FAM193A: variants seen among roughly 807,000 people sequenced by gnomAD.
FAM193A encodes protein FAM193A.
In FAM193A, 22 loss-of-function variants were observed where a neutral mutation model predicts 126.5. The ratio of observed to expected loss-of-function variants is 0.17; its 90% confidence interval spans 0.12 to 0.25. The LOEUF is 0.25. Ranked by LOEUF, FAM193A falls within the 10% of genes least tolerant of loss-of-function variation. The pLI is 1.00. For missense variants in FAM193A, 1,675 were observed against 1,672.8 expected (o/e 1.00, Z -0.02); for synonymous variants, 761 against 646.8 (o/e 1.18, Z -2.68).
rs1184549701 is a variant in FAM193A at position 2,646,756 on chromosome 4, C to G, written c.1235C>G (p.Ser412Cys). Reference sequence around the variant, plus strand: ...ACCTTGCTGCAGAGGTACCAGCGTTCCGAGGAGGAGCTGCGCAGAGTCGCC... The same window carrying G: ...ACCTTGCTGCAGAGGTACCAGCGTTGCGAGGAGGAGCTGCGCAGAGTCGCC... ...YSTLLQRYQRSEEELRRVAEE... is the reference protein window; with the variant it reads ...YSTLLQRYQRCEEELRRVAEE... The change falls in exon 7 of 21, where the codon TCC becomes TGC. Residue 412 changes from serine (S) to cysteine (C), a missense_variant. By Grantham distance (112) the Ser-to-Cys change is moderately radical. Transcript: ENST00000637812. 2 of 1,613,994 alleles carry G rather than the reference C, an allele frequency of 1.2e-6. No homozygotes were observed. The highest frequency in any genetic ancestry group is 2.7e-5 in the African/African-American group (2 of 74,934).
At chr4:2,622,344 G>T (rs1327010909) in intron 2 of FAM193A, among the ~76,000 whole-genome samples, 1 of 151,248 alleles carries the variant, frequency 6.6e-6, no homozygotes, top group Non-Finnish European at 1.5e-5. Flanking sequence ...GATGGCAGGA[G>T]TCCCCAAGGG....
At chr4:2,689,376 G>T in intron 13 of FAM193A, 130 bp from the exon 14 acceptor site, 1 of 619,212 alleles carries the variant, frequency 1.6e-6, no homozygotes, top group South Asian at 2.2e-5. Flanking sequence ...TGCTCCCCCT[G>T]GGCTGAGCTC....
At chr4:2,675,213 C>T (rs1300694489) in intron 13 of FAM193A, among the ~76,000 whole-genome samples, 2 of 152,146 alleles carry the variant, frequency 1.3e-5, no homozygotes, top group African/African-American at 4.8e-5. Context: ...AATATGTGTT[C>T]TGCCGTTGTT....
chr4:2,705,700 C>G (rs1718226003), intron 19 of FAM193A, among the ~76,000 whole-genome samples: 1 of 151,992 alleles, frequency 6.6e-6, no homozygotes, highest in Non-Finnish European at 1.5e-5. Flanking sequence ...AGTGATTCTC[C>G]CGCCTCAGCC....
intron 5 of FAM193A, among the ~76,000 whole-genome samples, chr4:2,631,451 G>T (rs1372124178): frequency 6.6e-6 from 1 of 152,210 alleles, no homozygotes; most frequent in Non-Finnish European, 1.5e-5. Flanking sequence ...CATGGGGGCA[G>T]TGTGAGGGGA....
At chr4:2,597,489 C>G (rs1360720892) in intron 2 of FAM193A, among the ~76,000 whole-genome samples, 2 of 152,164 alleles carry the variant, frequency 1.3e-5, no homozygotes, top group Non-Finnish European at 2.9e-5. Flanking sequence ...CAGGCTTCTG[C>G]TGTTTGCCCT....
chr4:2,642,892 C>T (rs1744780437), intron 6 of FAM193A, among the ~76,000 whole-genome samples: 1 of 151,980 alleles, frequency 6.6e-6, no homozygotes, highest in South Asian at 2.1e-4. Flanking sequence ...GCCACCACAC[C>T]CGGCTAATTT....
At chr4:2,575,718 C>T (rs1330318249) in intron 1 of FAM193A, among the ~76,000 whole-genome samples, 3 of 151,978 alleles carry the variant, frequency 2.0e-5, no homozygotes, top group Non-Finnish European at 2.9e-5. Context: ...CTGCCTGCCT[C>T]GGCCTCCCAA....
In FAM193A at chr4:2,559,195, A is replaced by G. The variant is rs188212026; in HGVS notation, c.255+22025A>G. On this transcript the variant is annotated intron_variant, in intron 1 of 20. Coordinates refer to ENST00000637812, the MANE Select transcript of FAM193A (RefSeq NM_001366318.2). ...ACACCTGTATTCCACTGGGAATGCT[A>G]AGATGGTCAAATCATAGATGCATAG... Among the ~76,000 whole-genome samples the G allele has an allele frequency of 5.9e-5, 9 of 152,306 alleles. No individual in the cohort carries two copies. The East Asian group carries it at 1.2e-3, about 20-fold the overall frequency.
chr4:2,574,358 C>T lies in FAM193A; in HGVS notation c.256-21726C>T, dbSNP rs185328741. On this transcript the variant is annotated intron_variant, in intron 1 of 20. Coordinates refer to ENST00000637812, the MANE Select transcript of FAM193A (RefSeq NM_001366318.2). ...ATTTGCTCACCTTGTGTTGTCTTTG[C>T]AGTAGACAGTGCCCAGGCGTCCTGT... 7.9e-5 allele frequency among the ~76,000 whole-genome samples: 12 copies of T among 152,314 alleles called. No homozygotes were observed. In the East Asian group the frequency reaches 2.3e-3, roughly 29 times the overall value.
Position 2,732,218 on chromosome 4 carries a change from C to T in FAM193A, c.*350C>T, listed in dbSNP as rs910090473. On this transcript the variant is annotated 3_prime_UTR_variant, in exon 21 of 21. Coordinates refer to ENST00000637812, the MANE Select transcript of FAM193A (RefSeq NM_001366318.2). ...GCCTCTGCATTGCGCCCTGTCCTGT[C>T]ATGTGTCCTCACCGGGGTATCGGCC... 2 of 307,094 alleles carry T rather than the reference C, an allele frequency of 6.5e-6. No homozygotes were observed. Among genetic ancestry groups the T allele is most frequent in the Non-Finnish European group, 1.3e-5 (2 of 157,476 alleles). The allele number at this position is 307,094 out of a possible 1,614,324, so 19.0% of individuals were successfully genotyped here. A position where few individuals can be genotyped will look rare whatever the true frequency, so the allele number is the denominator to read the frequency against.
At chr4:2,564,859 G>T (rs1475076502) in intron 1 of FAM193A, among the ~76,000 whole-genome samples, 1 of 152,032 alleles carries the variant, frequency 6.6e-6, no homozygotes, top group African/African-American at 2.4e-5. Context: ...AGGTTGGAGG[G>T]CAGTGGCACC....
intron 19 of FAM193A, among the ~76,000 whole-genome samples, chr4:2,706,852 G>A (rs1047934122): frequency 9.9e-5 from 15 of 151,680 alleles, no homozygotes; most frequent in African/African-American, 3.6e-4. Context: ...GTTGGGGCCG[G>A]GCTCACACCT....
intron 13 of FAM193A, among the ~76,000 whole-genome samples, chr4:2,684,714 A>G (rs756402998): frequency 3.3e-5 from 5 of 152,108 alleles, no homozygotes; most frequent in Non-Finnish European, 7.3e-5. Context: ...CACTGTGGCG[A>G]TGGTGTACGG....
chr4:2,729,599 C>T (rs150914384), intron 20 of FAM193A, among the ~76,000 whole-genome samples: 1 of 152,192 alleles, frequency 6.6e-6, no homozygotes, highest in African/African-American at 2.4e-5. Context: ...CAGATTCTTT[C>T]GTCTGAGGAG....
At chr4:2,696,673 G>A in intron 18 of FAM193A, 80 bp downstream of exon 18, 2 of 1,106,892 alleles carry the variant, frequency 1.8e-6, no homozygotes, top group Non-Finnish European at 2.7e-6. Context: ...TCTCTAGGCA[G>A]GGCTGAGCCA....
chr4:2,625,676 C>T, intron 3 of FAM193A: 1 of 266,878 alleles, frequency 3.7e-6, no homozygotes, highest in Non-Finnish European at 6.9e-6. Context: ...GAGAGCCTGA[C>T]TGGCTGCTTC....
At chr4:2,546,944 A>G (rs1737598728) in intron 1 of FAM193A, among the ~76,000 whole-genome samples, 1 of 152,040 alleles carries the variant, frequency 6.6e-6, no homozygotes. Context: ...TGTTTACACT[A>G]TTATTATTAA....
chr4:2,659,386 G>A (rs1712114563), intron 8 of FAM193A, among the ~76,000 whole-genome samples, 172 bp from the exon 9 acceptor site: 1 of 152,144 alleles, frequency 6.6e-6, no homozygotes, highest in Non-Finnish European at 1.5e-5. Context: ...TTGCAGCTCA[G>A]CCCCCAGCTT....
Sources: gnomAD v4.1 joint callset for allele counts (sites outside exome capture counted in the v4.1 genomes callset) on GRCh38, gnomAD v4.1.1 for gene constraint, MANE v1.5 for transcripts, NCBI Gene and HGNC (gene_info 2026-07-23, HGNC 2026-07-21) for gene names.